Variants in DMD observed in about 807,000 individuals in gnomAD.
The protein encoded by DMD is dystrophin, also known as mutant dystrophin.
DMD carries 63 observed loss-of-function variants against 330.1 expected under a neutral mutation model. The observed-to-expected ratio is 0.19, with a 90% confidence interval of 0.16 to 0.24. DMD has a LOEUF of 0.24. Among genes scored for constraint, DMD ranks in the 10% least tolerant of loss-of-function variants. DMD has a pLI of 1.00. For synonymous variants in DMD, 1,223 were observed against 959.8 expected, an observed-to-expected ratio of 1.27 and a Z score of -5.07; for missense variants, 3,344 against 2,684.1, an observed-to-expected ratio of 1.25 and a Z score of -5.43.
chrX:31,748,096 C>G (rs1171570533), intron 51 of DMD, among the ~76,000 whole-genome samples: 2 of 111,795 alleles, frequency 1.8e-5, no homozygotes, highest in East Asian at 5.6e-4. Flanking sequence ...TCTCAATGTT[C>G]TCTGCCCTTT....
chrX:32,712,521 C>T (rs2065281785), intron 7 of DMD, among the ~76,000 whole-genome samples: 1 of 111,254 alleles, frequency 9.0e-6, no homozygotes, highest in Admixed American at 9.6e-5. Flanking sequence ...AAACACAGGG[C>T]CTATTTACAT....
intron 54 of DMD, among the ~76,000 whole-genome samples, chrX:31,646,238 A>ATTGTGTG (rs926007980): frequency 2.0e-5 from 2 of 100,802 alleles, no homozygotes; most frequent in Admixed American, 1.1e-4. Context: ...GTTCTATCAC[A>ATTGTGTG]TTGTGTGTTG....
intron 62 of DMD, among the ~76,000 whole-genome samples, chrX:31,269,419 GAACA>G (rs1008242911): frequency 4.5e-5 from 5 of 111,177 alleles, no homozygotes; most frequent in African/African-American, 1.6e-4. Context: ...TCTGCTACCA[GAACA>G]AACTTCAGCT....
intron 9 of DMD, among the ~76,000 whole-genome samples, chrX:32,648,919 A>G (rs775904392): frequency 9.0e-6 from 1 of 111,373 alleles, no homozygotes; most frequent in East Asian, 2.8e-4. Context: ...TTCTTTATAG[A>G]TCTATTTATA....
At chrX:31,815,449 C>CAAAA (rs772005297) in intron 50 of DMD, among the ~76,000 whole-genome samples, 1 of 97,650 alleles carries the variant, frequency 1.0e-5, no homozygotes, top group Non-Finnish European at 2.1e-5. Flanking sequence ...GACTCAGTCT[C>CAAAA]AAAAAAAAAG....
chrX:32,991,435 A>G (rs1007927119), intron 2 of DMD, among the ~76,000 whole-genome samples: 3 of 112,119 alleles, frequency 2.7e-5, no homozygotes, highest in Non-Finnish European at 5.6e-5. Flanking sequence ...AAAAACAAAA[A>G]ATGTTCTATA....
chrX:31,708,378 T>C (rs1421042571), intron 52 of DMD, among the ~76,000 whole-genome samples: 2 of 111,618 alleles, frequency 1.8e-5, no homozygotes, highest in Non-Finnish European at 3.8e-5. Flanking sequence ...CGGGCAGATC[T>C]AAAGCATGTC....
chrX:31,805,220 ATAATT>A (rs752238003), intron 50 of DMD, among the ~76,000 whole-genome samples: 1 of 111,877 alleles, frequency 8.9e-6, no homozygotes, highest in Admixed American at 9.5e-5. Context: ...CTGTAACTAT[ATAATT>A]TAACTCTTCC....
intron 55 of DMD, among the ~76,000 whole-genome samples, chrX:31,570,399 T>C (rs938515539): frequency 1.8e-5 from 2 of 111,391 alleles, no homozygotes; most frequent in African/African-American, 6.5e-5. Context: ...TTCTCCATTG[T>C]TATTCCTACT....
At position 32,038,550 on chromosome X, in the gene DMD, C is replaced by G. The variant is rs370029001; in HGVS notation, c.6439-70036G>C. On this transcript the variant is annotated intron_variant, in intron 44 of 78. Transcript: ENST00000357033. ...GGACAAAGTCAATTAGAGGGATAGA[C>G]AGAGTTCCAAGTGTCAGGGACCTTG... 2.9e-3 allele frequency among the ~76,000 whole-genome samples: 319 copies of G among 111,076 alleles called. 1 individual carries two copies. The highest frequency in any genetic ancestry group is 9.6e-3 in the African/African-American group (293 of 30,596).
Position 33,012,402 on chromosome X carries a change from A to C in DMD, c.93+7737T>G, listed in dbSNP as rs191877647. Among the ~76,000 whole-genome samples the C allele has an allele frequency of 4.9e-3, 545 of 112,056 alleles. 3 individuals carry two copies. Among genetic ancestry groups the C allele is most frequent in the Non-Finnish European group, 6.9e-3 (367 of 53,070 alleles). ...AAAACTGTTTTAAGTTAATATTCAA[A>C]TAATCATGTAAACACAATAATTTGT... is the stretch of plus-strand genomic sequence containing the variant. On this transcript the variant is annotated intron_variant, in intron 2 of 78. Coordinates refer to ENST00000357033, the MANE Select transcript of DMD (RefSeq NM_004006.3).
chrX:33,107,309 T>TTCC (rs2095297756), intron 1 of DMD, among the ~76,000 whole-genome samples: 1 of 22,203 alleles, frequency 4.5e-5, no homozygotes, highest in Non-Finnish European at 1.1e-4. Flanking sequence ...CGAAGCTCTG[T>TTCC]CCCCCCCCCC....
At chrX:31,266,831 G>C in intron 62 of DMD, 1 of 1,205,776 alleles carries the variant, frequency 8.3e-7, no homozygotes, top group Non-Finnish European at 1.1e-6. Context: ...TTCCCTCATG[G>C]CTGCAAGGGC....
At chrX:31,657,919 T>C in intron 54 of DMD, 71 bp downstream of exon 54, 5 of 1,100,304 alleles carry the variant, frequency 4.5e-6, no homozygotes, top group Non-Finnish European at 6.3e-6. Flanking sequence ...AAACAAATCC[T>C]CATGGTCCAT....
chrX:32,241,189 G>A (rs57983315), intron 43 of DMD, among the ~76,000 whole-genome samples: 1,621 of 112,092 alleles, frequency 0.014, 26 homozygotes, highest in African/African-American at 0.048. Context: ...CCATGTTCAC[G>A]TTTGTGTCTT....
chrX:32,637,499 G>A (rs1443980932), intron 11 of DMD, among the ~76,000 whole-genome samples: 1 of 111,813 alleles, frequency 8.9e-6, no homozygotes. Flanking sequence ...ACTTCCACGT[G>A]TTCGGGTATC....
At chrX:31,149,054 G>C (rs1478565547) in intron 74 of DMD, among the ~76,000 whole-genome samples, 1 of 111,825 alleles carries the variant, frequency 8.9e-6, no homozygotes, top group Non-Finnish European at 1.9e-5. Context: ...TTTTGTTCAC[G>C]AAAATCTTTT....
At chrX:31,430,793 CTTTTTTTTTTTTTTTTTTT>C (rs565087970) in intron 60 of DMD, among the ~76,000 whole-genome samples, 5 of 48,336 alleles carry the variant, frequency 1.0e-4, no homozygotes, top group African/African-American at 4.7e-4. Context: ...AAGTTAAGGT[CTTTTTTTTTTTTTTTTTTT>C]TTTTTTTTTG....
chrX:33,056,687 T>A (rs1230329674), intron 1 of DMD, among the ~76,000 whole-genome samples: 1 of 111,664 alleles, frequency 9.0e-6, no homozygotes, highest in Non-Finnish European at 1.9e-5. Flanking sequence ...ATAAATTCAT[T>A]CATTCATTCG....
Sources: allele counts gnomAD v4.1 joint callset (sites outside exome capture counted in the v4.1 genomes callset), GRCh38; gene constraint gnomAD v4.1.1; transcripts MANE v1.5; gene names NCBI Gene and HGNC (gene_info 2026-07-23, HGNC 2026-07-21).